The following SMYD3 variants were observed in gnomAD, a reference collection of about 807,000 sequenced individuals.
SMYD3 encodes SET and MYND domain containing 3, also known as histone-lysine N-methyltransferase SMYD3.
SMYD3 carries 36 observed loss-of-function variants against 57.7 expected under a neutral mutation model. That is an observed-to-expected ratio of 0.62 (90% CI 0.48 to 0.82). The LOEUF (loss-of-function observed/expected upper bound fraction) is 0.82. SMYD3 is among the 40% of genes least tolerant of loss of function. The pLI is 0.00. For missense variants in SMYD3, 515 were observed against 538.8 expected (o/e 0.96, Z 0.44); for synonymous variants, 211 against 195.0 (o/e 1.08, Z -0.68).
At chr1:245,877,381 A>T (rs2052545174) in intron 8 of SMYD3, among the ~76,000 whole-genome samples, 1 of 152,236 alleles carries the variant, frequency 6.6e-6, no homozygotes, top group South Asian at 2.1e-4. Flanking sequence ...TCAAAGAATG[A>T]ATTTGATCCT....
chr1:246,443,211 G>A (rs542416595), intron 1 of SMYD3, among the ~76,000 whole-genome samples: 2 of 152,300 alleles, frequency 1.3e-5, no homozygotes, highest in Non-Finnish European at 2.9e-5. Flanking sequence ...CAAGGAGTAA[G>A]ATTCTAATGT....
intron 1 of SMYD3, among the ~76,000 whole-genome samples, chr1:246,394,603 G>A (rs2066626235): frequency 6.6e-6 from 1 of 152,182 alleles, no homozygotes; most frequent in Non-Finnish European, 1.5e-5. Context: ...TCCTATTGTT[G>A]TAAAGACTGA....
chr1:245,958,476 C>T (rs2057913856), intron 5 of SMYD3, among the ~76,000 whole-genome samples: 1 of 152,098 alleles, frequency 6.6e-6, no homozygotes, highest in Admixed American at 6.6e-5. Context: ...CTCTTTCATT[C>T]GTGTGACTGC....
At chr1:246,277,669 C>T (rs2064361384) in intron 5 of SMYD3, among the ~76,000 whole-genome samples, 1 of 152,084 alleles carries the variant, frequency 6.6e-6, no homozygotes, top group South Asian at 2.1e-4. Context: ...ATTGTGTTAT[C>T]CCAATACAGA....
At chr1:245,813,681 C>CA (rs2048620077) in intron 10 of SMYD3, among the ~76,000 whole-genome samples, 1 of 152,124 alleles carries the variant, frequency 6.6e-6, no homozygotes, top group Admixed American at 6.5e-5. Context: ...TGTGATTTCA[C>CA]AAAGCTCCAT....
intron 5 of SMYD3, among the ~76,000 whole-genome samples, chr1:246,026,546 T>A (rs1558162112): frequency 6.6e-6 from 1 of 152,222 alleles, no homozygotes; most frequent in Non-Finnish European, 1.5e-5. Flanking sequence ...TTGGTAATTC[T>A]CACAATAATT....
intron 5 of SMYD3, among the ~76,000 whole-genome samples, chr1:246,028,442 A>C (rs1448304343): frequency 1.3e-5 from 2 of 152,238 alleles, no homozygotes; most frequent in African/African-American, 4.8e-5. Context: ...ATAACGAAGT[A>C]GTGAAAAAAG....
intron 5 of SMYD3, among the ~76,000 whole-genome samples, chr1:246,103,977 C>G (rs1387706193): frequency 6.6e-6 from 1 of 152,214 alleles, no homozygotes; most frequent in Non-Finnish European, 1.5e-5. Flanking sequence ...TTCTATAAAA[C>G]CTTTCAACCT....
At chr1:246,476,048 G>C (rs144647615) in intron 1 of SMYD3, among the ~76,000 whole-genome samples, 1,715 of 152,298 alleles carry the variant, frequency 0.011, 15 homozygotes, top group Middle Eastern at 0.054. Context: ...GACAGTATAT[G>C]ATCCTAAAGC....
intron 5 of SMYD3, among the ~76,000 whole-genome samples, chr1:246,190,352 C>T (rs560655889): frequency 6.6e-6 from 1 of 152,170 alleles, no homozygotes; most frequent in Non-Finnish European, 1.5e-5. Flanking sequence ...TCTGGGAGGC[C>T]AAGGAGGGTG....
intron 10 of SMYD3, among the ~76,000 whole-genome samples, chr1:245,782,703 T>G (rs1011452474): frequency 6.6e-6 from 1 of 152,138 alleles, no homozygotes; most frequent in African/African-American, 2.4e-5. Context: ...AATACAACAT[T>G]CCCAATTAAT....
At chr1:245,790,143 T>C (rs896513928) in intron 10 of SMYD3, among the ~76,000 whole-genome samples, 2 of 152,116 alleles carry the variant, frequency 1.3e-5, no homozygotes, top group Non-Finnish European at 2.9e-5. Context: ...AGAGCTGCTC[T>C]AGAGAGTCAG....
intron 5 of SMYD3, among the ~76,000 whole-genome samples, chr1:246,292,678 G>C (rs1004632035): frequency 1.3e-5 from 2 of 152,144 alleles, no homozygotes; most frequent in Non-Finnish European, 2.9e-5. Context: ...CACAGTAAAA[G>C]GAATGACACA....
chr1:245,918,788 C>G (rs1398028504), intron 7 of SMYD3, among the ~76,000 whole-genome samples: 1 of 152,180 alleles, frequency 6.6e-6, no homozygotes, highest in East Asian at 1.9e-4. Context: ...TGGGTTAACT[C>G]TAGGACACTA....
At chr1:246,432,874 G>C (rs1248961310) in intron 1 of SMYD3, among the ~76,000 whole-genome samples, 1 of 152,192 alleles carries the variant, frequency 6.6e-6, no homozygotes. Flanking sequence ...AAATAATCAA[G>C]GTTAAGTTGA....
chr1:245,911,084 T>G (rs2054938572), intron 8 of SMYD3, among the ~76,000 whole-genome samples: 1 of 151,884 alleles, frequency 6.6e-6, no homozygotes, highest in African/African-American at 2.4e-5. Flanking sequence ...ATATGCTGAA[T>G]TCATAGAAAT....
At chr1:246,346,328 CCTCTTACAT>C (rs1470905301) in intron 2 of SMYD3, among the ~76,000 whole-genome samples, 1 of 152,024 alleles carries the variant, frequency 6.6e-6, no homozygotes, top group Non-Finnish European at 1.5e-5. Flanking sequence ...CAGTTCCTCT[CCTCTTACAT>C]CTTGCCATCA....
At chr1:246,255,491 C>T (rs2063867765) in intron 5 of SMYD3, among the ~76,000 whole-genome samples, 1 of 151,832 alleles carries the variant, frequency 6.6e-6, no homozygotes, top group Non-Finnish European at 1.5e-5. Context: ...TTTTGATTTG[C>T]ATATATTGAA....
intron 1 of SMYD3, among the ~76,000 whole-genome samples, chr1:246,397,708 G>A (rs916964971): frequency 2.6e-5 from 4 of 152,066 alleles, no homozygotes; most frequent in African/African-American, 9.7e-5. Context: ...CACAGAGCCA[G>A]CCAAGCAAAA....
Sources: allele counts gnomAD v4.1 joint callset (sites outside exome capture counted in the v4.1 genomes callset), GRCh38; gene constraint gnomAD v4.1.1; transcripts MANE v1.5; gene names NCBI Gene and HGNC (gene_info 2026-07-23, HGNC 2026-07-21).